The following GATAD2A variants were observed in gnomAD, a reference collection of about 807,000 sequenced individuals.
The protein encoded by GATAD2A is transcriptional repressor p66-alpha.
GATAD2A carries 12 observed loss-of-function variants against 68.5 expected under a neutral mutation model. That is an observed-to-expected ratio of 0.18 (90% confidence interval 0.11 to 0.28). The LOEUF (loss-of-function observed/expected upper bound fraction) is 0.28. GATAD2A is among the 10% of genes least tolerant of loss of function. GATAD2A has a pLI of 1.00. For missense variants in GATAD2A, 755 were observed against 868.5 expected (o/e 0.87, Z 1.64); for synonymous variants, 410 against 375.3 (o/e 1.09, Z -1.07).
At chr19:19,490,350 C>A (rs1192697339) in intron 2 of GATAD2A, among the ~76,000 whole-genome samples, 2 of 152,138 alleles carry the variant, frequency 1.3e-5, no homozygotes, top group Admixed American at 6.5e-5. Flanking sequence ...TGTGTCTACC[C>A]TTCCCTGAGG....
chr19:19,431,980 TTTTA>T (rs1263297731), intron 1 of GATAD2A, among the ~76,000 whole-genome samples: 8 of 151,952 alleles, frequency 5.3e-5, no homozygotes, highest in Non-Finnish European at 7.4e-5. Context: ...AATTTTTTAT[TTTTA>T]TTTATTTTGA....
At chr19:19,421,190 T>A in intron 1 of GATAD2A, among the ~76,000 whole-genome samples, 1 of 152,126 alleles carries the variant, frequency 6.6e-6, no homozygotes, top group Non-Finnish European at 1.5e-5. Flanking sequence ...ATGTTAGTGC[T>A]GGCATAGGGG....
intron 1 of GATAD2A, among the ~76,000 whole-genome samples, chr19:19,389,587 TAAGTC>T (rs2048699363): frequency 6.6e-6 from 1 of 152,176 alleles, no homozygotes; most frequent in African/African-American, 2.4e-5. Context: ...GCTGCTGGGC[TAAGTC>T]AAGTCCAGGC....
intron 1 of GATAD2A, among the ~76,000 whole-genome samples, chr19:19,419,918 G>T (rs911255430): frequency 6.6e-6 from 1 of 151,510 alleles, no homozygotes; most frequent in Non-Finnish European, 1.5e-5. Context: ...AGCGGTTCAG[G>T]TTTGAGCCTG....
At chr19:19,421,841 C>G (rs1778754604) in intron 1 of GATAD2A, among the ~76,000 whole-genome samples, 1 of 151,006 alleles carries the variant, frequency 6.6e-6, no homozygotes, top group South Asian at 2.1e-4. Flanking sequence ...TTTTTTGAGA[C>G]AGAGTCTCAC....
chr19:19,490,453 G>A (rs1224654659), intron 2 of GATAD2A, among the ~76,000 whole-genome samples: 1 of 152,104 alleles, frequency 6.6e-6, no homozygotes, highest in Non-Finnish European at 1.5e-5. Flanking sequence ...CCTCAACCCT[G>A]CCGGGGTCTA....
chr19:19,448,388 A>C (rs2055987615), intron 1 of GATAD2A, among the ~76,000 whole-genome samples: 2 of 152,244 alleles, frequency 1.3e-5, no homozygotes, highest in Non-Finnish European at 1.5e-5. Flanking sequence ...CACGGCCTCA[A>C]ATGAGGGCAG....
rs374747942 is a variant in GATAD2A, at chr19:19,505,328, C to T, written c.1775-16C>T. On this transcript the variant is annotated splice_polypyrimidine_tract_variant and intron_variant, in intron 11 of 11. Transcript: ENST00000683918. Reference sequence around the variant, plus strand: ...TGACGAGGGCCTTCTCAGCTGGTCGCTCTGTTCTGTTGCAGGCGGGACCCT... The same window carrying T: ...TGACGAGGGCCTTCTCAGCTGGTCGTTCTGTTCTGTTGCAGGCGGGACCCT... 6 of 1,612,102 alleles carry T rather than the reference C, an allele frequency of 3.7e-6. No individual in the cohort carries two copies. Among genetic ancestry groups the T allele is most frequent in the Non-Finnish European group, 5.1e-6 (6 of 1,179,216 alleles).
intron 1 of GATAD2A, among the ~76,000 whole-genome samples, chr19:19,448,126 G>A (rs1040725703): frequency 6.6e-6 from 1 of 152,218 alleles, no homozygotes; most frequent in African/African-American, 2.4e-5. Flanking sequence ...ATCTGGGAGG[G>A]GACAGAGAGC....
intron 1 of GATAD2A, among the ~76,000 whole-genome samples, chr19:19,453,897 C>T (rs1181481535): frequency 1.3e-5 from 2 of 151,704 alleles, no homozygotes; most frequent in African/African-American, 4.8e-5. Flanking sequence ...CTCCTGGCCT[C>T]GTGATCCACC....
In GATAD2A at chr19:19,506,614, CTT is replaced by C. The variant is rs11434961; in HGVS notation, c.*1152_*1153del. 16 of 145,148 alleles carry C rather than the reference CTT, an allele frequency of 1.1e-4. No homozygotes were observed. The South Asian group carries it at 1.8e-3, about 16-fold the overall frequency. The allele number at this position is 145,148 out of a possible 1,614,324, so 9.0% of individuals were successfully genotyped here. On this transcript the variant is annotated 3_prime_UTR_variant, in exon 12 of 12. Coordinates refer to ENST00000683918, the MANE Select transcript of GATAD2A (RefSeq NM_001384528.1). ...GTTGCTGTCAGGATTTGCTTTCAGA[CTT>C]TTTTTTTTTTTGTAATTCCCTTTAG... is the stretch of plus-strand genomic sequence containing the variant.
chr19:19,450,723 A>G (rs1353822813), intron 1 of GATAD2A, among the ~76,000 whole-genome samples: 2 of 139,732 alleles, frequency 1.4e-5, no homozygotes, highest in African/African-American at 5.4e-5. Flanking sequence ...GCTTTCTTTC[A>G]CCAAGCAACC....
At chr19:19,500,971 A>T in intron 8 of GATAD2A, 147 bp from the exon 9 acceptor site, 1 of 717,628 alleles carries the variant, frequency 1.4e-6, no homozygotes, top group South Asian at 1.8e-5. Flanking sequence ...GGCCGGCCCC[A>T]TGTCCACATG....
chr19:19,492,167 G>T, intron 2 of GATAD2A, 139 bp from the exon 3 acceptor site: 1 of 877,744 alleles, frequency 1.1e-6, no homozygotes, highest in Non-Finnish European at 1.7e-6. Context: ...GAGCCATGGG[G>T]CAGGGCAGGG....
chr19:19,501,197 C>T lies in GATAD2A; in HGVS notation c.1284C>T (p.Arg428=), dbSNP rs771934303. The stretch of plus-strand genomic sequence containing the variant: ...AGTGCAAGACGGACTTCACGTGCCG[C>T]TGGCGGGAGGAGAAGAGCGGCGCCA... The part of the protein sequence containing the change: ...CAQCKTDFTC[R]WREEKSGAIM... Residue 428 remains arginine (R), a synonymous_variant, in exon 9 of 12, where the codon CGC becomes CGT. Transcript: ENST00000683918. The T allele has an allele frequency of 2.4e-5, 39 of 1,613,472 alleles. No individual in the cohort carries two copies. The highest frequency in any genetic ancestry group is 3.1e-5 in the Non-Finnish European group (37 of 1,180,030).
intron 1 of GATAD2A, among the ~76,000 whole-genome samples, chr19:19,393,692 G>A (rs542362162): frequency 1.3e-5 from 2 of 152,268 alleles, no homozygotes; most frequent in East Asian, 3.9e-4. Flanking sequence ...TCTTGGAGGT[G>A]TAGAAGTGAA....
intron 8 of GATAD2A, among the ~76,000 whole-genome samples, chr19:19,500,824 C>T (rs2060477503): frequency 2.0e-5 from 3 of 152,230 alleles, no homozygotes; most frequent in Admixed American, 2.0e-4. Context: ...GCCTGTCACC[C>T]TTATTAACTC....
chr19:19,471,185 G>A (rs188879351), intron 2 of GATAD2A, among the ~76,000 whole-genome samples: 1 of 151,596 alleles, frequency 6.6e-6, no homozygotes, highest in East Asian at 1.9e-4. Flanking sequence ...GAACCTGGGA[G>A]GCAGAGGTTA....
At chr19:19,467,537 C>T (rs1600209322) in intron 2 of GATAD2A, among the ~76,000 whole-genome samples, 1 of 152,280 alleles carries the variant, frequency 6.6e-6, no homozygotes, top group Non-Finnish European at 1.5e-5. Flanking sequence ...TATCTTCCTG[C>T]TTTCACTCAG....
Sources: allele counts gnomAD v4.1 joint callset (sites outside exome capture counted in the v4.1 genomes callset), GRCh38; gene constraint gnomAD v4.1.1; transcripts MANE v1.5; gene names NCBI Gene and HGNC (gene_info 2026-07-23, HGNC 2026-07-21).